DNM3: variants seen among roughly 807,000 people sequenced by gnomAD.
DNM3 encodes dynamin-3.
In DNM3, 47 loss-of-function variants were observed where a neutral mutation model predicts 101.6. That is an observed-to-expected ratio of 0.46 (90% CI 0.37 to 0.59). DNM3 has a LOEUF of 0.59. Ranked by LOEUF, DNM3 falls within the 20% of genes least tolerant of loss-of-function variation. The pLI, the probability that DNM3 is intolerant of heterozygous loss-of-function variation, is 0.00. For synonymous variants in DNM3, 385 were observed against 387.9 expected, an observed-to-expected ratio of 0.99 and a Z score of 0.09; for missense variants, 849 against 1,085.7, an observed-to-expected ratio of 0.78 and a Z score of 3.06.
At chr1:172,022,879 A>G (rs949461531) in intron 4 of DNM3, among the ~76,000 whole-genome samples, 5 of 152,182 alleles carry the variant, frequency 3.3e-5, no homozygotes, top group Non-Finnish European at 7.4e-5. Context: ...ATCCTCCTAC[A>G]TTCTACTAAA....
At position 172,409,406 on chromosome 1, in the gene DNM3, C is replaced by T. The variant is rs770776851; in HGVS notation, c.*1565C>T. ...CTTTTAACCATTATTAAACAGAGAACTTGCCATGTTGAGTGCCATTGTATT... is the reference window on the plus strand; with the variant it reads ...CTTTTAACCATTATTAAACAGAGAATTTGCCATGTTGAGTGCCATTGTATT... On this transcript the variant is annotated 3_prime_UTR_variant, in exon 21 of 21. Coordinates refer to ENST00000627582, the MANE Select transcript of DNM3 (RefSeq NM_015569.5). 250 of 984,770 alleles carry T rather than the reference C, an allele frequency of 2.5e-4. No individual in the cohort carries two copies. Among genetic ancestry groups the T allele is most frequent in the Admixed American group, 7.4e-4 (12 of 16,230 alleles). 61.0% of individuals were successfully genotyped at this position (984,770 alleles called of 1,614,324 possible). A position where few individuals can be genotyped will look rare whatever the true frequency, so the allele number is the denominator to read the frequency against.
At chr1:172,194,892 G>C (rs965312573) in intron 14 of DNM3, among the ~76,000 whole-genome samples, 2 of 152,014 alleles carry the variant, frequency 1.3e-5, no homozygotes, top group South Asian at 2.1e-4. Context: ...GTGTGAATTT[G>C]ATCCTGTCAT....
intron 4 of DNM3, among the ~76,000 whole-genome samples, chr1:172,003,614 G>A (rs1417286603): frequency 6.6e-6 from 1 of 151,538 alleles, no homozygotes; most frequent in East Asian, 1.9e-4. Context: ...TTCTTGAGTG[G>A]CTGCCAGGTA....
chr1:172,339,386 C>A (rs2066588972), intron 17 of DNM3, among the ~76,000 whole-genome samples: 1 of 152,196 alleles, frequency 6.6e-6, no homozygotes, highest in Non-Finnish European at 1.5e-5. Flanking sequence ...ACCTTAGCAA[C>A]CTCATCTCTG....
intron 4 of DNM3, among the ~76,000 whole-genome samples, chr1:171,997,823 G>T (rs2046099941): frequency 6.6e-6 from 1 of 152,170 alleles, no homozygotes; most frequent in Non-Finnish European, 1.5e-5. Flanking sequence ...TAAAAAATAG[G>T]CTATTGGTTT....
intron 14 of DNM3, among the ~76,000 whole-genome samples, chr1:172,187,169 G>A (rs2059555450): frequency 6.6e-6 from 1 of 152,028 alleles, no homozygotes; most frequent in African/African-American, 2.4e-5. Flanking sequence ...TTCTTTGCAT[G>A]AGAGTCTGTC....
chr1:172,128,973 T>C (rs2056788581), intron 13 of DNM3, among the ~76,000 whole-genome samples: 1 of 152,228 alleles, frequency 6.6e-6, no homozygotes, highest in South Asian at 2.1e-4. Flanking sequence ...ACGCAGGTAC[T>C]ATAGTAAGAT....
intron 1 of DNM3, among the ~76,000 whole-genome samples, chr1:171,889,195 T>A (rs751866430): frequency 6.9e-4 from 105 of 152,114 alleles, no homozygotes; most frequent in Non-Finnish European, 1.1e-3. Flanking sequence ...CCTGGGTTGG[T>A]CTGCAACTCC....
chr1:172,388,775 T>G lies in DNM3; in HGVS notation c.2488T>G (p.Ser830Ala). 6.2e-7 allele frequency: 1 copy of G among 1,603,770 alleles called. No homozygotes were observed. The change falls in exon 20 of 21, where the codon TCT (serine) becomes GCT (alanine). Residue 830 changes from serine (S) to alanine (A), a missense_variant. Around this residue, in one of 5 missense-constraint regions of DNM3, gnomAD observed 256 missense variants for 311.7 expected, o/e 0.82. Coordinates refer to ENST00000627582, the MANE Select transcript of DNM3 (RefSeq NM_015569.5). Reference sequence around the variant, plus strand: ...CTTCGGAGCCCCTCCACAAGTTCCATCTAGGCCTACGAGGGCCCCGCCCAG... The same window carrying G: ...CTTCGGAGCCCCTCCACAAGTTCCAGCTAGGCCTACGAGGGCCCCGCCCAG... ...DSFGAPPQVPSRPTRAPPSVP... is the reference protein window; with the variant it reads ...DSFGAPPQVPARPTRAPPSVP...
chr1:172,338,902 T>C (rs2066564202), intron 17 of DNM3: 1 of 433,534 alleles, frequency 2.3e-6, no homozygotes, highest in African/African-American at 2.0e-5. Context: ...GTAGAAAGTT[T>C]GTTTGTGCAG....
intron 1 of DNM3, among the ~76,000 whole-genome samples, chr1:171,845,857 A>C (rs1301417176): frequency 6.6e-6 from 1 of 152,204 alleles, no homozygotes. Flanking sequence ...CTTGTTAGAA[A>C]TATTAGTTTT....
At chr1:172,157,400 C>T (rs760688693) in intron 14 of DNM3, among the ~76,000 whole-genome samples, 3 of 152,030 alleles carry the variant, frequency 2.0e-5, no homozygotes, top group East Asian at 3.9e-4. Context: ...ACTGGTACTG[C>T]GTTCGTGGTT....
chr1:172,139,714 A>G (rs1347054919), intron 14 of DNM3: 1 of 152,146 alleles, frequency 6.6e-6, no homozygotes, highest in Non-Finnish European at 1.5e-5. Context: ...AGTTAGTGCA[A>G]TATAGTTACA....
intron 14 of DNM3, among the ~76,000 whole-genome samples, chr1:172,206,616 C>T (rs1002736141): frequency 6.6e-6 from 1 of 152,038 alleles, no homozygotes; most frequent in African/African-American, 2.4e-5. Flanking sequence ...GCTAAGGCAC[C>T]AGCAGTTTTA....
intron 17 of DNM3, chr1:172,378,203 A>C (rs1195888527): frequency 6.6e-6 from 1 of 152,092 alleles, no homozygotes; most frequent in Non-Finnish European, 1.5e-5. Flanking sequence ...AATTGATTTC[A>C]ATGCCAAGCC....
At chr1:172,037,495 AG>A (rs1289896906) in intron 6 of DNM3, among the ~76,000 whole-genome samples, 1 of 152,118 alleles carries the variant, frequency 6.6e-6, no homozygotes, top group Non-Finnish European at 1.5e-5. Flanking sequence ...ATTGATTTCA[AG>A]TTCATCACTT....
intron 17 of DNM3, among the ~76,000 whole-genome samples, chr1:172,365,187 A>G (rs920423663): frequency 1.3e-5 from 2 of 152,060 alleles, no homozygotes; most frequent in Admixed American, 1.3e-4. Flanking sequence ...TTTAGATAAT[A>G]AAAATAGTAT....
At chr1:171,996,870 A>G (rs576888342) in intron 4 of DNM3, among the ~76,000 whole-genome samples, 5 of 152,140 alleles carry the variant, frequency 3.3e-5, no homozygotes, top group African/African-American at 1.2e-4. Flanking sequence ...CTGTTCAAAA[A>G]ATATAAAAAA....
intron 1 of DNM3, among the ~76,000 whole-genome samples, chr1:171,871,324 G>A (rs752908203): frequency 6.6e-6 from 1 of 152,116 alleles, no homozygotes; most frequent in Non-Finnish European, 1.5e-5. Context: ...TCTTTATAAA[G>A]TTCCCAACAA....
Sources: allele counts gnomAD v4.1 joint callset (sites outside exome capture counted in the v4.1 genomes callset), GRCh38; gene constraint gnomAD v4.1.1; regional missense constraint gnomAD v4.1.1; transcripts MANE v1.5; gene names NCBI Gene and HGNC (gene_info 2026-07-23, HGNC 2026-07-21).